Variants in CLMN observed in about 807,000 individuals in gnomAD.
The protein encoded by CLMN is calmin (calponin-like, transmembrane).
CLMN carries 57 observed loss-of-function variants against 92.7 expected under a neutral mutation model. That is an observed-to-expected ratio of 0.61 (90% CI 0.50 to 0.77). The LOEUF (loss-of-function observed/expected upper bound fraction) is 0.77, where lower values mean the gene tolerates loss of function less well. Among genes scored for constraint, CLMN ranks in the 30% least tolerant of loss-of-function variants. The probability of loss-of-function intolerance (pLI) is 0.00; values close to 1 mark genes in which losing one functional copy is unlikely to be tolerated. For synonymous variants in CLMN, 466 were observed against 470.6 expected (o/e 0.99, Z 0.13); for missense variants, 1,158 against 1,237.5 (o/e 0.94, Z 0.96).
In CLMN at chr14:95,278,934, T is replaced by A. The variant is rs544068688; in HGVS notation, c.82+40777A>T. 6.6e-5 allele frequency among the ~76,000 whole-genome samples: 10 copies of A among 152,330 alleles called. No individual in the cohort carries two copies. In the South Asian group the frequency reaches 1.7e-3, roughly 25 times the overall value. ...CGCTTATTAGGCCCTAAAAACTGCATGCTTTCCTGGCCCTGTTCCTTGAAG... is the reference window on the plus strand; with the variant it reads ...CGCTTATTAGGCCCTAAAAACTGCAAGCTTTCCTGGCCCTGTTCCTTGAAG... On this transcript the variant is annotated intron_variant, in intron 1 of 12. Transcript: ENST00000298912.
In CLMN at chr14:95,319,836, G is replaced by A; in HGVS notation, c.-44C>T. 6 of 1,237,784 alleles carry A rather than the reference G, an allele frequency of 4.8e-6. No homozygotes were observed. The highest frequency in any genetic ancestry group is 2.2e-4 in the Middle Eastern group (1 of 4,452). The allele number at this position is 1,237,784 out of a possible 1,614,324, so 76.7% of individuals were successfully genotyped here. A position where few individuals can be genotyped will look rare whatever the true frequency, so the allele number is the denominator to read the frequency against. On this transcript the variant is annotated 5_prime_UTR_variant, in exon 1 of 13. Coordinates refer to ENST00000298912, the MANE Select transcript of CLMN (RefSeq NM_024734.4). ...CCCGGGCCAGCGCGGCGCGGGCGGC[G>A]GGCGCGGAGAGCCTGGCTGGCGGGC... is the stretch of plus-strand genomic sequence containing the variant.
At chr14:95,311,758 C>T (rs908129950) in intron 1 of CLMN, among the ~76,000 whole-genome samples, 2 of 152,166 alleles carry the variant, frequency 1.3e-5, no homozygotes, top group African/African-American at 2.4e-5. Context: ...TGGCCCCCCA[C>T]CACATGCTCC....
At chr14:95,265,316 T>G (rs780543049) in intron 1 of CLMN, among the ~76,000 whole-genome samples, 7 of 151,972 alleles carry the variant, frequency 4.6e-5, no homozygotes, top group Non-Finnish European at 8.8e-5. Context: ...CTCCATCTAA[T>G]CAGTTAAAGC....
In CLMN at chr14:95,209,408, G is replaced by T; in HGVS notation, c.872C>A (p.Pro291Gln). The T allele has an allele frequency of 6.2e-7, 1 of 1,614,046 alleles. No homozygotes were observed. The highest frequency in any genetic ancestry group is 1.6e-4 in the Middle Eastern group (1 of 6,062). ...TYVAQFLERF[P>Q]ELEAEDIFDS... The stretch of plus-strand genomic sequence containing the variant: ...AAGCAAACATACGGCTTCCAACTCC[G>T]GAAAACGTTCTAGAAACTGTGCCAC... Residue 291 changes from proline (P) to glutamine (Q), a missense_variant, in exon 8 of 13, where the codon CCG (proline) becomes CAG (glutamine). By Grantham distance (76) the Pro-to-Gln change is moderately conservative. Transcript: ENST00000298912.
chr14:95,202,521 T>C lies in CLMN; in HGVS notation c.2511+317A>G, dbSNP rs552677176. Among the ~76,000 whole-genome samples the C allele has an allele frequency of 3.3e-5, 5 of 152,308 alleles. No individual in the cohort carries two copies. The East Asian group carries it at 9.7e-4, about 29-fold the overall frequency. On this transcript the variant is annotated intron_variant, in intron 9 of 12. Coordinates refer to ENST00000298912, the MANE Select transcript of CLMN (RefSeq NM_024734.4). ...CCTGTGACAATGACTGCTTTTGAAATCATTTCTGCCCCTCCTCTGCTGGAC... is the reference window on the plus strand; with the variant it reads ...CCTGTGACAATGACTGCTTTTGAAACCATTTCTGCCCCTCCTCTGCTGGAC...
rs151131323 is a variant in CLMN at position 95,204,281 on chromosome 14, G to A, written c.1068C>T (p.Pro356=). ...CCAGGCGGAATTCCTTCATGCTCTC[G>A]GGCTTGTCACAGACAAAGACTTTGG... The part of the protein sequence containing the change: ...PPSKVFVCDK[P]ESMKEFRLDG... The change falls in exon 9 of 13, where the codon CCC becomes CCT. Residue 356 remains proline (P), a synonymous_variant. Coordinates refer to ENST00000298912, the MANE Select transcript of CLMN (RefSeq NM_024734.4). 2.1e-4 allele frequency: 339 copies of A among 1,614,042 alleles called. 3 individuals are homozygous for A. The South Asian group carries it at 2.8e-3, about 13-fold the overall frequency.
At chr14:95,222,337 C>T in intron 3 of CLMN, 1 of 249,704 alleles carries the variant, frequency 4.0e-6, no homozygotes. Flanking sequence ...AAAGAGACGT[C>T]TGCAGAAGCT....
Position 95,196,511 on chromosome 14 carries a change from T to C in CLMN, c.2695A>G (p.Ser899Gly), listed in dbSNP as rs777541160. The C allele has an allele frequency of 3.1e-6, 5 of 1,610,888 alleles. No homozygotes were observed. In the Admixed American group the frequency reaches 5.1e-5, roughly 16 times the overall value. Residue 899 changes from serine to glycine, a missense_variant, in exon 10 of 13, where the codon AGC (serine) becomes GGC (glycine). Ser to Gly is a moderately conservative substitution (Grantham distance 56, BLOSUM62 0). Coordinates refer to ENST00000298912, the MANE Select transcript of CLMN (RefSeq NM_024734.4). ...TGAATAAAATACCTGGAAGGAATGC[T>C]GTAGTCGCTACTGTCTTCTTCTAGG... The part of the protein sequence containing the change: ...DDLEEDSSDY[S>G]IPSRTSHSDS...
At chr14:95,207,463 T>C (rs1897077451) in intron 8 of CLMN, among the ~76,000 whole-genome samples, 1 of 152,208 alleles carries the variant, frequency 6.6e-6, no homozygotes, top group African/African-American at 2.4e-5. Flanking sequence ...ATACCAGAAC[T>C]GATTCCTCCT....
intron 1 of CLMN, among the ~76,000 whole-genome samples, chr14:95,289,904 C>T (rs556965434): frequency 5.3e-5 from 8 of 152,360 alleles, no homozygotes; most frequent in South Asian, 2.1e-4. Context: ...TCACCTCCCC[C>T]ACCAGGGGGT....
intron 1 of CLMN, among the ~76,000 whole-genome samples, chr14:95,292,056 C>T (rs1900589079): frequency 6.6e-6 from 1 of 152,238 alleles, no homozygotes; most frequent in African/African-American, 2.4e-5. Flanking sequence ...TCACTGCAAG[C>T]CCGAGAGGAA....
intron 4 of CLMN, among the ~76,000 whole-genome samples, chr14:95,218,466 C>T (rs1897423070): frequency 2.6e-5 from 4 of 152,216 alleles, no homozygotes. Context: ...CACCTAACGG[C>T]ATCTGAATCC....
At chr14:95,245,469 T>C (rs908703334) in intron 1 of CLMN, among the ~76,000 whole-genome samples, 19 of 149,734 alleles carry the variant, frequency 1.3e-4, no homozygotes, top group African/African-American at 3.9e-4. Context: ...GCGTGATGGA[T>C]GGACGGATGG....
intron 1 of CLMN, among the ~76,000 whole-genome samples, chr14:95,240,100 A>G (rs183267719): frequency 4.0e-4 from 61 of 152,362 alleles, no homozygotes; most frequent in Non-Finnish European, 6.6e-4. Context: ...AGTAGGCTGT[A>G]CCATCCAGTT....
chr14:95,246,425 G>C (rs912259562), intron 1 of CLMN, among the ~76,000 whole-genome samples: 6 of 152,320 alleles, frequency 3.9e-5, no homozygotes, highest in East Asian at 3.9e-4. Context: ...GCTTCCCATG[G>C]GGCCCTGCAT....
At chr14:95,241,059 C>T (rs931223899) in intron 1 of CLMN, among the ~76,000 whole-genome samples, 2 of 152,022 alleles carry the variant, frequency 1.3e-5, no homozygotes, top group Non-Finnish European at 2.9e-5. Context: ...ATTAGCTTGA[C>T]CTCTTGTGTT....
At chr14:95,296,415 G>A (rs1207848109) in intron 1 of CLMN, among the ~76,000 whole-genome samples, 1 of 152,220 alleles carries the variant, frequency 6.6e-6, no homozygotes, top group Non-Finnish European at 1.5e-5. Flanking sequence ...CAGACTGTTG[G>A]TTGCCTTCCC....
intron 1 of CLMN, among the ~76,000 whole-genome samples, chr14:95,257,680 G>A (rs1899056239): frequency 6.6e-6 from 1 of 152,218 alleles, no homozygotes; most frequent in South Asian, 2.1e-4. Flanking sequence ...CCAGCCACGT[G>A]GCTATGCGGG....
chr14:95,282,967 C>G (rs1900196096), intron 1 of CLMN, among the ~76,000 whole-genome samples: 1 of 152,218 alleles, frequency 6.6e-6, no homozygotes, highest in Admixed American at 6.5e-5. Context: ...GAGGGACTCA[C>G]CTAAGGTCAC....
Sources: gnomAD v4.1 joint callset for allele counts (sites outside exome capture counted in the v4.1 genomes callset) on GRCh38, gnomAD v4.1.1 for gene constraint, MANE v1.5 for transcripts, NCBI Gene and HGNC (gene_info 2026-07-23, HGNC 2026-07-21) for gene names.